LEKR1: variants seen among roughly 807,000 people sequenced by gnomAD.
LEKR1 encodes the protein protein LEKR1.
LEKR1 carries 59 observed loss-of-function variants against 72.4 expected under a neutral mutation model. That is an observed-to-expected ratio of 0.82 (90% CI 0.66 to 1.01). LEKR1 has a LOEUF of 1.01. LEKR1 is among the 50% of genes least tolerant of loss of function. The pLI is 0.00. For missense variants in LEKR1, 728 were observed against 759.2 expected (o/e 0.96, Z 0.48); for synonymous variants, 257 against 263.2 (o/e 0.98, Z 0.23).
chr3:156,835,501 G>A (rs573789692), intron 2 of LEKR1, among the ~76,000 whole-genome samples: 1 of 152,362 alleles, frequency 6.6e-6, no homozygotes, highest in South Asian at 2.1e-4. Flanking sequence ...TATAGGACGA[G>A]ATAGTGATTT....
At chr3:156,991,834 G>A (rs1173752047) in intron 7 of LEKR1, among the ~76,000 whole-genome samples, 1 of 152,134 alleles carries the variant, frequency 6.6e-6, no homozygotes, top group Non-Finnish European at 1.5e-5. Flanking sequence ...CCTATTAACT[G>A]TCTTTCTCTT....
At chr3:156,976,922 T>C (rs1238794966) in intron 6 of LEKR1, among the ~76,000 whole-genome samples, 1 of 152,206 alleles carries the variant, frequency 6.6e-6, no homozygotes, top group East Asian at 1.9e-4. Flanking sequence ...GGTCATCTAC[T>C]CTACACCATT....
At chr3:157,016,104 G>A (rs1733303249) in intron 10 of LEKR1, among the ~76,000 whole-genome samples, 1 of 151,890 alleles carries the variant, frequency 6.6e-6, no homozygotes. Context: ...AGATTCAAGA[G>A]GCCCAATATA....
chr3:157,039,052 C>T (rs1735167070), intron 12 of LEKR1, among the ~76,000 whole-genome samples: 1 of 152,084 alleles, frequency 6.6e-6, no homozygotes. Context: ...CCAACAATCT[C>T]CTAGCATCTC....
intron 6 of LEKR1, among the ~76,000 whole-genome samples, chr3:156,962,078 G>A (rs928960259): frequency 6.6e-6 from 1 of 152,200 alleles, no homozygotes; most frequent in African/African-American, 2.4e-5. Flanking sequence ...TAGTCTGCCT[G>A]CTCTTAGAAA....
intron 6 of LEKR1, among the ~76,000 whole-genome samples, chr3:156,958,360 A>G (rs954205075): frequency 6.6e-6 from 1 of 152,156 alleles, no homozygotes; most frequent in African/African-American, 2.4e-5. Flanking sequence ...TGGTTTAGAA[A>G]GACTATAGAA....
At chr3:157,037,176 A>T (rs758145256) in intron 12 of LEKR1, among the ~76,000 whole-genome samples, 7 of 152,192 alleles carry the variant, frequency 4.6e-5, no homozygotes, top group Non-Finnish European at 8.8e-5. Context: ...ACAAAGAAGT[A>T]TAATGATGTT....
At chr3:156,993,636 A>T (rs1170962720) in intron 9 of LEKR1, among the ~76,000 whole-genome samples, 3 of 151,852 alleles carry the variant, frequency 2.0e-5, no homozygotes, top group African/African-American at 7.3e-5. Context: ...TCCAACAGAA[A>T]AGATCTTTTT....
intron 6 of LEKR1, among the ~76,000 whole-genome samples, chr3:156,955,188 T>G (rs926475130): frequency 3.3e-5 from 5 of 151,436 alleles, no homozygotes; most frequent in Non-Finnish European, 5.9e-5. Flanking sequence ...AGGAATGTTT[T>G]TGCACATTTA....
At chr3:156,990,908 C>G (rs1731096018) in intron 7 of LEKR1, among the ~76,000 whole-genome samples, 1 of 152,124 alleles carries the variant, frequency 6.6e-6, no homozygotes, top group African/African-American at 2.4e-5. Flanking sequence ...GATCTGGGTT[C>G]TGAATCTGCT....
chr3:157,009,290 T>C (rs967715318), intron 9 of LEKR1, among the ~76,000 whole-genome samples: 3 of 152,156 alleles, frequency 2.0e-5, no homozygotes, highest in Non-Finnish European at 4.4e-5. Context: ...TTATCACAGG[T>C]ATTTTAGATA....
chr3:156,865,865 A>G (rs1014137818), intron 3 of LEKR1, among the ~76,000 whole-genome samples: 6 of 151,876 alleles, frequency 4.0e-5, no homozygotes, highest in Non-Finnish European at 8.8e-5. Flanking sequence ...TTCTGCTAAG[A>G]GATTATATAC....
At chr3:157,041,619 C>A (rs1295668999) in intron 12 of LEKR1, among the ~76,000 whole-genome samples, 1 of 152,154 alleles carries the variant, frequency 6.6e-6, no homozygotes, top group Non-Finnish European at 1.5e-5. Flanking sequence ...GCCCACTCTG[C>A]CTTGAAAACC....
chr3:156,891,026 ATTT>A (rs11407482), intron 3 of LEKR1, among the ~76,000 whole-genome samples: 1 of 137,550 alleles, frequency 7.3e-6, no homozygotes. Flanking sequence ...TGGCCGGCTA[ATTT>A]TTTTTTTTTT....
At chr3:157,035,189 A>C (rs1016221319) in intron 12 of LEKR1, among the ~76,000 whole-genome samples, 1 of 152,218 alleles carries the variant, frequency 6.6e-6, no homozygotes, top group African/African-American at 2.4e-5. Flanking sequence ...GAAACCAAAA[A>C]ATTCATGTGA....
At chr3:157,034,227 A>G (rs1734815208) in intron 12 of LEKR1, among the ~76,000 whole-genome samples, 1 of 152,180 alleles carries the variant, frequency 6.6e-6, no homozygotes, top group African/African-American at 2.4e-5. Flanking sequence ...ATTATTTAAG[A>G]AATATATTTC....
intron 2 of LEKR1, among the ~76,000 whole-genome samples, chr3:156,847,531 C>A (rs1441189581): frequency 6.6e-6 from 1 of 152,174 alleles, no homozygotes; most frequent in Non-Finnish European, 1.5e-5. Context: ...TAACTTACTT[C>A]ATTTGGGAAC....
At chr3:156,849,378 G>C (rs1331748442) in intron 2 of LEKR1, among the ~76,000 whole-genome samples, 1 of 152,132 alleles carries the variant, frequency 6.6e-6, no homozygotes, top group African/African-American at 2.4e-5. Flanking sequence ...AGCTACTAAT[G>C]ACTTTCTTCA....
At chr3:156,833,567 T>TA (rs969561219) in intron 2 of LEKR1, among the ~76,000 whole-genome samples, 3 of 152,160 alleles carry the variant, frequency 2.0e-5, no homozygotes, top group African/African-American at 7.2e-5. Context: ...CACTTTCATA[T>TA]AAATACAGCC....
Sources: allele counts gnomAD v4.1 joint callset (sites outside exome capture counted in the v4.1 genomes callset), GRCh38; gene constraint gnomAD v4.1.1; transcripts MANE v1.5; gene names NCBI Gene and HGNC (gene_info 2026-07-23, HGNC 2026-07-21).